PRKD1: variants seen among roughly 807,000 people sequenced by gnomAD.
PRKD1 encodes the protein protein kinase D1.
In PRKD1, 63 loss-of-function variants were observed where a neutral mutation model predicts 95.9. The ratio of observed to expected loss-of-function variants is 0.66; its 90% CI spans 0.54 to 0.81. The LOEUF (loss-of-function observed/expected upper bound fraction) is 0.81. PRKD1 is among the 30% of genes least tolerant of loss of function. The probability of loss-of-function intolerance (pLI) is 0.00; values close to 1 mark genes in which losing one functional copy is unlikely to be tolerated. For synonymous variants in PRKD1, 425 were observed against 423.1 expected, an observed-to-expected ratio of 1.00 and a Z score of -0.05; for missense variants, 1,048 against 1,165.3, an observed-to-expected ratio of 0.90 and a Z score of 1.47.
intron 13 of PRKD1, among the ~76,000 whole-genome samples, chr14:29,608,926 A>G (rs1878222439): frequency 6.6e-6 from 1 of 152,218 alleles, no homozygotes; most frequent in South Asian, 2.1e-4. Flanking sequence ...AGAAATTCAC[A>G]TTGATATTAA....
chr14:29,815,992 G>A (rs1273765003), intron 1 of PRKD1, among the ~76,000 whole-genome samples: 2 of 152,100 alleles, frequency 1.3e-5, no homozygotes, highest in African/African-American at 2.4e-5. Context: ...GGCCGAGGTG[G>A]GCGGATCACA....
At chr14:29,874,737 A>G (rs2139384052) in intron 1 of PRKD1, among the ~76,000 whole-genome samples, 1 of 152,322 alleles carries the variant, frequency 6.6e-6, no homozygotes, top group East Asian at 1.9e-4. Context: ...TAACCCAGGC[A>G]CAAAAAGACA....
chr14:29,658,566 T>C (rs1276988898), intron 4 of PRKD1, among the ~76,000 whole-genome samples: 1 of 152,144 alleles, frequency 6.6e-6, no homozygotes. Flanking sequence ...TATCTTTTCA[T>C]CCTGTTATCA....
rs200796569 is a variant in PRKD1, at chr14:29,725,610, G to T, written c.329C>A (p.Ser110Tyr). The T allele has an allele frequency of 6.2e-7, 1 of 1,613,844 alleles. No individual in the cohort carries two copies. Among genetic ancestry groups the T allele is most frequent in the South Asian group, 1.1e-5 (1 of 91,070 alleles). The change falls in exon 2 of 18, where the codon TCT becomes TAT. Residue 110 changes from serine to tyrosine, a missense_variant. Physicochemically the swap from Ser to Tyr is moderately radical, Grantham distance 144 (BLOSUM62 -2). Around this residue, in one of 3 missense-constraint regions of PRKD1, gnomAD observed 275 missense variants for 248.6 expected, o/e 1.11. Transcript: ENST00000331968. ...TTTCACCAGCTGAAGGATGTTTTCA[G>T]AGGTAGGGTCATGGCGAAAAAGCAG... is the stretch of plus-strand genomic sequence containing the variant. ...KILLFRHDPT[S>Y]ENILQLVKAA... is the part of the protein sequence containing the mutation.
chr14:29,665,242 A>G (rs1882422154), intron 3 of PRKD1, among the ~76,000 whole-genome samples: 1 of 152,142 alleles, frequency 6.6e-6, no homozygotes, highest in African/African-American at 2.4e-5. Flanking sequence ...TTACTATTTC[A>G]TTAGCTTTAG....
At chr14:29,899,260 T>C (rs1813363543) in intron 1 of PRKD1, among the ~76,000 whole-genome samples, 2 of 152,190 alleles carry the variant, frequency 1.3e-5, no homozygotes, top group Non-Finnish European at 2.9e-5. Flanking sequence ...TGATTTATTG[T>C]ATAAATTAAT....
At chr14:29,644,219 A>C (rs1216944040) in intron 4 of PRKD1, among the ~76,000 whole-genome samples, 2 of 152,344 alleles carry the variant, frequency 1.3e-5, no homozygotes, top group Non-Finnish European at 2.9e-5. Flanking sequence ...ACAGGATTTC[A>C]GTTTTAAGAT....
intron 1 of PRKD1, among the ~76,000 whole-genome samples, chr14:29,853,811 C>A (rs1407954892): frequency 6.6e-6 from 1 of 152,094 alleles, no homozygotes; most frequent in Non-Finnish European, 1.5e-5. Context: ...CAGGTCTTTC[C>A]CATGCTGTTC....
At chr14:29,737,357 A>AAAAG (rs1566571126) in intron 1 of PRKD1, among the ~76,000 whole-genome samples, 5 of 147,844 alleles carry the variant, frequency 3.4e-5, no homozygotes, top group Non-Finnish European at 7.5e-5. Context: ...AAAAAAAAAA[A>AAAAG]AAAAATACTC....
intron 1 of PRKD1, among the ~76,000 whole-genome samples, chr14:29,849,961 T>C (rs1892239590): frequency 6.6e-6 from 1 of 152,156 alleles, no homozygotes; most frequent in Admixed American, 6.5e-5. Context: ...CATAAAATCA[T>C]CTCAATAGAT....
chr14:29,674,196 G>A (rs1050277127), intron 2 of PRKD1, among the ~76,000 whole-genome samples: 1 of 152,022 alleles, frequency 6.6e-6, no homozygotes, highest in African/African-American at 2.4e-5. Flanking sequence ...GAGGAATGCT[G>A]TTTCTAAGTC....
intron 13 of PRKD1, among the ~76,000 whole-genome samples, chr14:29,600,097 C>T (rs1893462632): frequency 6.6e-6 from 1 of 151,950 alleles, no homozygotes; most frequent in African/African-American, 2.4e-5. Context: ...ATTAGAATAC[C>T]ATATTGAGAA....
At chr14:29,859,674 A>C (rs997275252) in intron 1 of PRKD1, among the ~76,000 whole-genome samples, 3 of 152,030 alleles carry the variant, frequency 2.0e-5, no homozygotes, top group Admixed American at 2.0e-4. Context: ...CCTCATGTAG[A>C]TAAATAAGTA....
At chr14:29,667,943 T>C (rs1882617308) in intron 2 of PRKD1, among the ~76,000 whole-genome samples, 1 of 148,522 alleles carries the variant, frequency 6.7e-6, no homozygotes, top group Non-Finnish European at 1.5e-5. Context: ...TTTTTTTTTT[T>C]CTTTCATTTT....
chr14:29,886,029 G>C (rs911293170), intron 1 of PRKD1, among the ~76,000 whole-genome samples: 6 of 151,964 alleles, frequency 3.9e-5, no homozygotes, highest in Admixed American at 3.9e-4. Flanking sequence ...TATATTTATA[G>C]AATACCTGAG....
At chr14:29,589,506 T>C (rs1893051599) in intron 16 of PRKD1, among the ~76,000 whole-genome samples, 1 of 152,210 alleles carries the variant, frequency 6.6e-6, no homozygotes, top group Non-Finnish European at 1.5e-5. Context: ...CTATTCTTTG[T>C]GTGGACATGA....
chr14:29,686,038 G>A (rs1442702723), intron 2 of PRKD1, among the ~76,000 whole-genome samples: 3 of 152,238 alleles, frequency 2.0e-5, no homozygotes, highest in South Asian at 4.1e-4. Flanking sequence ...GGGAAGACAC[G>A]ATGCCGTTTT....
intron 1 of PRKD1, among the ~76,000 whole-genome samples, chr14:29,748,445 A>T (rs1037505750): frequency 6.6e-6 from 1 of 152,228 alleles, no homozygotes; most frequent in Non-Finnish European, 1.5e-5. Flanking sequence ...CGACTGAAAC[A>T]ACAGTAAATT....
At chr14:29,672,831 G>T (rs1882941074) in intron 2 of PRKD1, among the ~76,000 whole-genome samples, 1 of 151,926 alleles carries the variant, frequency 6.6e-6, no homozygotes, top group African/African-American at 2.4e-5. Flanking sequence ...CAGGTAACCA[G>T]GCCTATGTTC....
Sources: allele counts gnomAD v4.1 joint callset (sites outside exome capture counted in the v4.1 genomes callset), GRCh38; gene constraint gnomAD v4.1.1; regional missense constraint gnomAD v4.1.1; transcripts MANE v1.5; gene names NCBI Gene and HGNC (gene_info 2026-07-23, HGNC 2026-07-21).